Variants in HACD4 observed in about 807,000 individuals in gnomAD.
HACD4 encodes very-long-chain (3R)-3-hydroxyacyl-CoA dehydratase 4.
In HACD4, 35 loss-of-function variants were observed where a neutral mutation model predicts 33.3. The ratio of observed to expected loss-of-function variants is 1.05; its 90% confidence interval spans 0.80 to 1.39. The LOEUF (loss-of-function observed/expected upper bound fraction) is 1.39. HACD4 is among the 40% of genes most tolerant of loss of function. HACD4 has a pLI of 0.00. For synonymous variants in HACD4, 118 were observed against 98.0 expected (o/e 1.20, Z -1.21); for missense variants, 323 against 276.5 (o/e 1.17, Z -1.19).
chr9:21,031,580 A>C lies in HACD4; in HGVS notation c.11T>G (p.Leu4Trp). 1 of 1,447,384 alleles carries C rather than the reference A, an allele frequency of 6.9e-7. No individual in the cohort carries two copies. The highest frequency in any genetic ancestry group is 9.0e-7 in the Non-Finnish European group (1 of 1,105,860). The allele number at this position is 1,447,384 out of a possible 1,614,324, so 89.7% of individuals were successfully genotyped here. MGPLALPAWLQPRY... is the reference protein window; with the variant it reads MGPWALPAWLQPRY... ...GGGCTGCAGCCAGGCGGGCAGCGCC[A>C]AGGGCCCCATGGGCCGCCGCCGCCA... The change falls in exon 1 of 7, where the codon TTG becomes TGG. Residue 4 changes from leucine (L) to tryptophan (W), a missense_variant. Coordinates refer to ENST00000495827, the MANE Select transcript of HACD4 (RefSeq NM_001010915.5).
At chr9:21,026,499 G>C in intron 3 of HACD4, 97 bp downstream of exon 3, 3 of 952,534 alleles carry the variant, frequency 3.1e-6, no homozygotes, top group East Asian at 4.9e-5. Flanking sequence ...CTAAGACAAG[G>C]GTTGGCTTTC....
intron 3 of HACD4, among the ~76,000 whole-genome samples, chr9:21,021,723 TAA>T (rs1009571844): frequency 2.6e-4 from 40 of 152,000 alleles, no homozygotes; most frequent in African/African-American, 9.4e-4. Flanking sequence ...CTCAACGAAA[TAA>T]AAGAGGACAC....
chr9:21,007,929 C>T, intron 6 of HACD4, 92 bp downstream of exon 6: 1 of 1,192,352 alleles, frequency 8.4e-7, no homozygotes, highest in Non-Finnish European at 1.1e-6. Context: ...TGGTCTCTCC[C>T]ATGTTTACCA....
intron 1 of HACD4, 28 bp downstream of exon 1, chr9:21,031,525 C>A: frequency 6.9e-7 from 1 of 1,459,382 alleles, no homozygotes; most frequent in Non-Finnish European, 9.0e-7. Flanking sequence ...CGCGCCCCCT[C>A]CCCTCGGGAT....
rs1296834070 is a variant in HACD4 at position 21,026,705 on chromosome 9, A to G, written c.161T>C (p.Phe54Ser). 6.2e-7 allele frequency: 1 copy of G among 1,613,876 alleles called. No homozygotes were observed. The highest frequency in any genetic ancestry group is 1.1e-5 in the South Asian group (1 of 91,040). Residue 54 changes from phenylalanine to serine, a missense_variant, in exon 3 of 7, where the codon TTT becomes TCT. Transcript: ENST00000495827. ...TCGCATCACAAGTCCAATAGCATAA[A>G]AAGTGTCAACCATTGAATCTGTATC... ...SFGKDSMVDT[F>S]YAIGLVMRLC...
intron 3 of HACD4, among the ~76,000 whole-genome samples, chr9:21,021,288 A>C (rs1226650597): frequency 6.6e-6 from 1 of 152,202 alleles, no homozygotes; most frequent in Non-Finnish European, 1.5e-5. Context: ...AATTGGCAAA[A>C]ACTGGAAGCA....
intron 1 of HACD4, among the ~76,000 whole-genome samples, chr9:21,030,905 C>A (rs147796693): frequency 2.0e-5 from 3 of 152,128 alleles, no homozygotes; most frequent in Non-Finnish European, 4.4e-5. Flanking sequence ...AGAAGAGTGA[C>A]GGGAGTGGCC....
chr9:21,027,646 T>G (rs987068151), intron 2 of HACD4, among the ~76,000 whole-genome samples: 9 of 152,180 alleles, frequency 5.9e-5, no homozygotes, highest in Admixed American at 2.0e-4. Flanking sequence ...CACAGCTCCG[T>G]GAAGGAAGAA....
At position 21,026,722 on chromosome 9, in the gene HACD4, A is replaced by C. The variant is rs1310266328; in HGVS notation, c.144T>G (p.Asp48Glu). 1 of 1,613,132 alleles carries C rather than the reference A, an allele frequency of 6.2e-7. No individual in the cohort carries two copies. Residue 48 changes from aspartate (D) to glutamate (E), a missense_variant and splice_region_variant, in exon 3 of 7, where the codon GAT becomes GAG. Transcript: ENST00000495827. ...MTVRFFSFGKDSMVDTFYAIG... is the reference protein window; with the variant it reads ...MTVRFFSFGKESMVDTFYAIG... ...TAGCATAAAAAGTGTCAACCATTGA[A>C]TCTGTATCCCGTGGGTTAAAAATGC...
intron 5 of HACD4, among the ~76,000 whole-genome samples, chr9:21,009,625 T>C (rs1356824086): frequency 5.3e-5 from 8 of 152,198 alleles, no homozygotes; most frequent in Non-Finnish European, 8.8e-5. Context: ...CAATGTGGAA[T>C]GATTAAATCA....
At chr9:21,019,427 G>A (rs1346429273) in intron 3 of HACD4, among the ~76,000 whole-genome samples, 1 of 152,070 alleles carries the variant, frequency 6.6e-6, no homozygotes, top group African/African-American at 2.4e-5. Flanking sequence ...AAAGGTTGTT[G>A]TAAAGATTAA....
At chr9:21,026,471 AT>A in intron 3 of HACD4, 124 bp downstream of exon 3, 1 of 744,724 alleles carries the variant, frequency 1.3e-6, no homozygotes, top group South Asian at 1.9e-5. Context: ...CATGAAATTA[AT>A]TCTCCTTATC....
At position 21,029,328 on chromosome 9, in the gene HACD4, T is replaced by C. The variant is rs370917074; in HGVS notation, c.109A>G (p.Asn37Asp). Residue 37 changes from asparagine to aspartate, a missense_variant, in exon 2 of 7, where the codon AAT becomes GAT. Transcript: ENST00000495827. The part of the protein sequence containing the change: ...QFCGHSWIFT[N>D]MTVRFFSFGK... ...AATGAAAAGAATCTGACTGTCATATTTGTAAATATCCAAGAGTGGCCACAG... is the reference window on the plus strand; with the variant it reads ...AATGAAAAGAATCTGACTGTCATATCTGTAAATATCCAAGAGTGGCCACAG... 3 of 1,597,416 alleles carry C rather than the reference T, an allele frequency of 1.9e-6. No individual in the cohort carries two copies. The highest frequency in any genetic ancestry group is 1.3e-5 in the African/African-American group (1 of 74,494).
At chr9:21,019,764 G>A (rs1011557030) in intron 3 of HACD4, among the ~76,000 whole-genome samples, 2 of 152,062 alleles carry the variant, frequency 1.3e-5, no homozygotes, top group Non-Finnish European at 2.9e-5. Context: ...TTTGGAGAAT[G>A]TTACAACTCA....
intron 3 of HACD4, among the ~76,000 whole-genome samples, chr9:21,023,378 A>T (rs1421566933): frequency 6.6e-6 from 1 of 152,158 alleles, no homozygotes; most frequent in African/African-American, 2.4e-5. Flanking sequence ...TTAAAAAATT[A>T]AAAAATAAAT....
intron 1 of HACD4, 60 bp downstream of exon 1, chr9:21,031,493 T>C (rs1818220765): frequency 7.0e-7 from 1 of 1,431,896 alleles, no homozygotes; most frequent in Non-Finnish European, 9.1e-7. Context: ...AGAGGGGAGC[T>C]CCCGCCTCCA....
rs1293147047 is a variant in HACD4 at position 21,011,657 on chromosome 9, T to C, written c.422A>G (p.Tyr141Cys). ...TTGACTGAGCCATGTCAAGACAGCA[T>C]AGGATATTCCTATGACTGATAACAT... ...YSMLSVIGISYAVLTWLSQTL... is the reference protein window; with the variant it reads ...YSMLSVIGISCAVLTWLSQTL... Residue 141 changes from tyrosine to cysteine, a missense_variant, in exon 5 of 7, where the codon TAT (tyrosine) becomes TGT (cysteine). Transcript: ENST00000495827. The C allele has an allele frequency of 1.9e-6, 3 of 1,610,452 alleles. No homozygotes were observed. The highest frequency in any genetic ancestry group is 2.5e-6 in the Non-Finnish European group (3 of 1,177,036).
intron 3 of HACD4, among the ~76,000 whole-genome samples, chr9:21,023,652 G>A (rs1369227296): frequency 6.8e-6 from 1 of 146,084 alleles, no homozygotes; most frequent in Non-Finnish European, 1.5e-5. Flanking sequence ...TCTGCTCACT[G>A]TAATCTCTGC....
At chr9:21,025,049 GTT>G (rs1818027263) in intron 3 of HACD4, among the ~76,000 whole-genome samples, 1 of 152,130 alleles carries the variant, frequency 6.6e-6, no homozygotes, top group Admixed American at 6.5e-5. Flanking sequence ...CTATGTTGCT[GTT>G]GGGACAGATC....
Sources: gnomAD v4.1 joint callset for allele counts (sites outside exome capture counted in the v4.1 genomes callset) on GRCh38, gnomAD v4.1.1 for gene constraint, MANE v1.5 for transcripts, NCBI Gene and HGNC (gene_info 2026-07-23, HGNC 2026-07-21) for gene names.